Variants in GPM6A observed in about 807,000 individuals in gnomAD.
The protein encoded by GPM6A is neuronal membrane glycoprotein M6-a.
Under a neutral mutation model 32.1 loss-of-function variants are expected in GPM6A, and 7 were observed. The observed-to-expected ratio is 0.22, with a 90% CI of 0.12 to 0.41. The LOEUF is 0.41. Among genes scored for constraint, GPM6A ranks in the 10% least tolerant of loss-of-function variants. The pLI is 1.00. For synonymous variants in GPM6A, 130 were observed against 123.4 expected (o/e 1.05, Z -0.35); for missense variants, 235 against 347.2 (o/e 0.68, Z 2.57).
chr4:175,960,856 C>T (rs1347080009), intron 1 of GPM6A: 2 of 152,158 alleles, frequency 1.3e-5, no homozygotes, highest in Non-Finnish European at 2.9e-5. Context: ...TCAGGATATA[C>T]AAAATTCATG....
intron 1 of GPM6A, among the ~76,000 whole-genome samples, chr4:175,948,950 T>C (rs1739706751): frequency 8.5e-6 from 1 of 116,986 alleles, no homozygotes; most frequent in Admixed American, 9.6e-5. Flanking sequence ...AGACTGCATT[T>C]GGTGGTAAGT....
chr4:175,820,634 G>C (rs1188865487), intron 1 of GPM6A, among the ~76,000 whole-genome samples: 4 of 151,614 alleles, frequency 2.6e-5, no homozygotes, highest in African/African-American at 7.3e-5. Flanking sequence ...CCAAGTACTG[G>C]GATTACAGGC....
At chr4:175,687,251 A>G (rs1744034214) in intron 2 of GPM6A, among the ~76,000 whole-genome samples, 1 of 152,198 alleles carries the variant, frequency 6.6e-6, no homozygotes, top group South Asian at 2.1e-4. Context: ...GTATAAGCAC[A>G]ACGTGGTATA....
upstream of GPM6A, chr4:175,812,807 G>C (rs1465862809): frequency 2.0e-6 from 2 of 985,210 alleles, no homozygotes; most frequent in Non-Finnish European, 2.4e-6. Context: ...TTCTCACCCA[G>C]TCAGATACGT....
chr4:175,858,675 A>G (rs1160657225), intron 1 of GPM6A, among the ~76,000 whole-genome samples: 1 of 152,214 alleles, frequency 6.6e-6, no homozygotes, highest in Admixed American at 6.5e-5. Context: ...AAATTTATTG[A>G]AACTTAAAAA....
chr4:175,846,047 C>T (rs1189287879), intron 1 of GPM6A, among the ~76,000 whole-genome samples: 1 of 152,064 alleles, frequency 6.6e-6, no homozygotes, highest in Non-Finnish European at 1.5e-5. Flanking sequence ...CCCTCAAGTT[C>T]ATAACACCCT....
chr4:175,993,837 G>A (rs921325193), intron 1 of GPM6A, among the ~76,000 whole-genome samples: 2 of 152,124 alleles, frequency 1.3e-5, no homozygotes, highest in Admixed American at 6.5e-5. Context: ...CAGACACAGA[G>A]AGACATAAAA....
chr4:175,851,479 C>T (rs1410077092), intron 1 of GPM6A, among the ~76,000 whole-genome samples: 6 of 145,024 alleles, frequency 4.1e-5, no homozygotes, highest in African/African-American at 1.0e-4. Flanking sequence ...GGTGAGACTC[C>T]GTCTCAAAAA....
chr4:175,995,454 G>A (rs188010530), intron 1 of GPM6A, among the ~76,000 whole-genome samples: 209 of 151,256 alleles, frequency 1.4e-3, no homozygotes, highest in Non-Finnish European at 2.5e-3. Flanking sequence ...GGGTACGCCT[G>A]TATATTAGCG....
At chr4:175,816,269 T>C (rs1735097866), upstream of GPM6A, among the ~76,000 whole-genome samples, 1 of 152,210 alleles carries the variant, frequency 6.6e-6, no homozygotes, top group Non-Finnish European at 1.5e-5. Context: ...CAGATTTCCC[T>C]TTCAAATACT....
chr4:175,676,454 A>G (rs760398519), intron 2 of GPM6A, among the ~76,000 whole-genome samples: 2 of 152,226 alleles, frequency 1.3e-5, no homozygotes, highest in African/African-American at 2.4e-5. Context: ...AATGCTGGAT[A>G]AAAAACTGAA....
chr4:175,710,036 C>A (rs1232047665), intron 1 of GPM6A, among the ~76,000 whole-genome samples: 1 of 152,088 alleles, frequency 6.6e-6, no homozygotes, highest in Non-Finnish European at 1.5e-5. Context: ...CCAAAAAGTG[C>A]AACTCTGCTA....
chr4:175,727,719 GTGGGC>G (rs1438193038), intron 1 of GPM6A, among the ~76,000 whole-genome samples: 2 of 151,980 alleles, frequency 1.3e-5, no homozygotes, highest in Non-Finnish European at 2.9e-5. Flanking sequence ...AACTTACGGC[GTGGGC>G]TGGGCATGGT....
At chr4:175,806,390 T>C (rs1343786204) in intron 1 of GPM6A, among the ~76,000 whole-genome samples, 1 of 152,254 alleles carries the variant, frequency 6.6e-6, no homozygotes, top group Non-Finnish European at 1.5e-5. Flanking sequence ...ATGAAGTAAC[T>C]ATATCAAGCA....
intron 1 of GPM6A, among the ~76,000 whole-genome samples, chr4:175,749,478 A>C (rs574995043): frequency 6.6e-6 from 1 of 152,316 alleles, no homozygotes; most frequent in South Asian, 2.1e-4. Context: ...GTTAAGCATA[A>C]TAAAATAAGA....
chr4:175,684,180 C>A (rs1344376500), intron 2 of GPM6A, among the ~76,000 whole-genome samples: 1 of 152,010 alleles, frequency 6.6e-6, no homozygotes, highest in Non-Finnish European at 1.5e-5. Context: ...TTCTTTATAG[C>A]AATGTAAGAG....
intron 1 of GPM6A, among the ~76,000 whole-genome samples, chr4:175,818,576 T>A (rs906961365): frequency 4.6e-5 from 7 of 152,262 alleles, no homozygotes; most frequent in African/African-American, 1.7e-4. Context: ...AAGCTTTCAA[T>A]AGATACTTGT....
intron 1 of GPM6A, among the ~76,000 whole-genome samples, chr4:175,780,182 G>A (rs1031466944): frequency 3.3e-5 from 5 of 151,886 alleles, no homozygotes; most frequent in African/African-American, 1.2e-4. Context: ...CAAGTAGCTG[G>A]GATTACATGT....
At chr4:175,887,613 T>C (rs1199735676) in intron 1 of GPM6A, among the ~76,000 whole-genome samples, 2 of 151,870 alleles carry the variant, frequency 1.3e-5, no homozygotes, top group Admixed American at 6.6e-5. Flanking sequence ...CCTAGTGTTC[T>C]AGATGCTAAT....
Sources: gnomAD v4.1 joint callset for allele counts (sites outside exome capture counted in the v4.1 genomes callset) on GRCh38, gnomAD v4.1.1 for gene constraint, MANE v1.5 for transcripts, NCBI Gene and HGNC (gene_info 2026-07-23, HGNC 2026-07-21) for gene names.